GALNT18: variants seen among roughly 807,000 people sequenced by gnomAD.
The protein encoded by GALNT18 is polypeptide N-acetylgalactosaminyltransferase 18.
In GALNT18, 44 loss-of-function variants were observed where a neutral mutation model predicts 69.5. The ratio of observed to expected loss-of-function variants is 0.63; its 90% CI spans 0.50 to 0.81. The LOEUF is 0.81. Among genes scored for constraint, GALNT18 ranks in the 40% least tolerant of loss-of-function variants. The pLI is 0.00. For missense variants in GALNT18, 715 were observed against 810.0 expected (o/e 0.88, Z 1.42); for synonymous variants, 364 against 318.2 (o/e 1.14, Z -1.53).
chr11:11,271,634 T>A (rs1848830615), intron 10 of GALNT18, among the ~76,000 whole-genome samples: 1 of 72,502 alleles, frequency 1.4e-5, no homozygotes, highest in Non-Finnish European at 3.2e-5. Flanking sequence ...AAAAGCCTAG[T>A]TTCTTGGGAC....
At chr11:11,271,346 T>A in intron 10 of GALNT18, 56 bp from the exon 11 acceptor site, 1 of 1,576,036 alleles carries the variant, frequency 6.3e-7, no homozygotes, top group Non-Finnish European at 8.7e-7. Context: ...ATGCAGAAAT[T>A]CGGGAGCCTC....
rs569620394 is a variant in GALNT18, at chr11:11,452,606, G to A, written c.236-3670C>T. Among the ~76,000 whole-genome samples the A allele has an allele frequency of 2.8e-3, 423 of 152,294 alleles. 2 individuals are homozygous for A. Among genetic ancestry groups the A allele is most frequent in the Non-Finnish European group, 5.0e-3 (340 of 68,020 alleles). On this transcript the variant is annotated intron_variant, in intron 1 of 10. Coordinates refer to ENST00000227756, the MANE Select transcript of GALNT18 (RefSeq NM_198516.3). ...TTAACCAGACCTGGACTCCACTCCCGTCTCCAGTGAGAAAGCAGGCCTACA... is the reference window on the plus strand; with the variant it reads ...TTAACCAGACCTGGACTCCACTCCCATCTCCAGTGAGAAAGCAGGCCTACA...
chr11:11,334,304 A>C (rs936702084), intron 7 of GALNT18, among the ~76,000 whole-genome samples: 1 of 152,166 alleles, frequency 6.6e-6, no homozygotes, highest in Admixed American at 6.5e-5. Context: ...GCACTTTGGG[A>C]GGCCAAGTCA....
chr11:11,497,722 T>C lies in GALNT18; in HGVS notation c.236-48786A>G, dbSNP rs1454666853. 1.3e-5 allele frequency among the ~76,000 whole-genome samples: 2 copies of C among 148,260 alleles called. No homozygotes were observed. The highest frequency in any genetic ancestry group is 5.0e-5 in the African/African-American group (2 of 40,108). ...GCAGGAATCACTGAAATTGTGCAGATAAATGTGTATGTGCATATACATATT... is the reference window on the plus strand; with the variant it reads ...GCAGGAATCACTGAAATTGTGCAGACAAATGTGTATGTGCATATACATATT... On this transcript the variant is annotated intron_variant, in intron 1 of 10. Coordinates refer to ENST00000227756, the MANE Select transcript of GALNT18 (RefSeq NM_198516.3). This position sits in a 1 kb window ranked among gnomAD's most constrained non-coding sequence, Gnocchi z 4.2.
At chr11:11,293,769 T>C (rs12795770) in intron 9 of GALNT18, among the ~76,000 whole-genome samples, 7,484 of 152,222 alleles carry the variant, frequency 0.049, 271 homozygotes, top group Middle Eastern at 0.11. Context: ...TTCAAACTCC[T>C]GACCTCGTGA....
Position 11,421,267 on chromosome 11 carries a change from G to A in GALNT18, c.595+11354C>T, listed in dbSNP as rs1854998889. On this transcript the variant is annotated intron_variant, in intron 3 of 10. Transcript: ENST00000227756. This position sits in a 1 kb window ranked among gnomAD's most constrained non-coding sequence, Gnocchi z 5.6. ...GCAGAGAAGAGGCTGGCAACATGCA[G>A]GACTAGAGCTGGAGAAATGGATTGA... Among the ~76,000 whole-genome samples, 1 of 152,156 alleles carries A rather than the reference G, an allele frequency of 6.6e-6. No homozygotes were observed. Among genetic ancestry groups the A allele is most frequent in the Non-Finnish European group, 1.5e-5 (1 of 68,036 alleles).
chr11:11,529,492 G>T (rs1308442048), intron 1 of GALNT18, among the ~76,000 whole-genome samples: 1 of 152,118 alleles, frequency 6.6e-6, no homozygotes, highest in Admixed American at 6.5e-5. Flanking sequence ...TACACCATCT[G>T]CTCTCCTTAT....
Position 11,586,710 on chromosome 11 carries a change from A to T in GALNT18, c.235+34649T>A, listed in dbSNP as rs2133919418. On this transcript the variant is annotated intron_variant, in intron 1 of 10. Coordinates refer to ENST00000227756, the MANE Select transcript of GALNT18 (RefSeq NM_198516.3). The surrounding 1 kb of genome is among the most constrained non-coding windows in gnomAD (Gnocchi z 4.1). ...TGAAATAGGCCGGGCTTGGTAGCTCATGCCTGTAATCACAGCCCTTTGGGA... is the reference window on the plus strand; with the variant it reads ...TGAAATAGGCCGGGCTTGGTAGCTCTTGCCTGTAATCACAGCCCTTTGGGA... Among the ~76,000 whole-genome samples the T allele has an allele frequency of 6.6e-6, 1 of 152,304 alleles. No homozygotes were observed. Among genetic ancestry groups the T allele is most frequent in the African/African-American group, 2.4e-5 (1 of 41,572 alleles).
chr11:11,540,177 C>T lies in GALNT18; in HGVS notation c.235+81182G>A. ...ATTTTGTGGTTCTAAAACCTCTTCTCACCTCCAAGTCAACATTTTCAAAAC... is the reference window on the plus strand; with the variant it reads ...ATTTTGTGGTTCTAAAACCTCTTCTTACCTCCAAGTCAACATTTTCAAAAC... On this transcript the variant is annotated intron_variant, in intron 1 of 10. Transcript: ENST00000227756. This position sits in a 1 kb window ranked among gnomAD's most constrained non-coding sequence, Gnocchi z 4.6. Among the ~76,000 whole-genome samples the T allele has an allele frequency of 6.6e-6, 1 of 152,214 alleles. No individual in the cohort carries two copies. Among genetic ancestry groups the T allele is most frequent in the Non-Finnish European group, 1.5e-5 (1 of 68,046 alleles).
At chr11:11,558,893 A>G (rs1236661629) in intron 1 of GALNT18, among the ~76,000 whole-genome samples, 2 of 152,172 alleles carry the variant, frequency 1.3e-5, no homozygotes, top group East Asian at 3.9e-4. Context: ...CAAGGGCAGC[A>G]CCACTTCTCA....
intron 3 of GALNT18, among the ~76,000 whole-genome samples, chr11:11,390,280 A>T (rs1854155112): frequency 2.0e-5 from 3 of 152,162 alleles, no homozygotes; most frequent in Admixed American, 6.5e-5. Context: ...GTGCCCTTGC[A>T]CTACCTGCTA....
intron 1 of GALNT18, among the ~76,000 whole-genome samples, chr11:11,484,480 C>T (rs753595097): frequency 1.3e-5 from 2 of 150,610 alleles, no homozygotes; most frequent in Admixed American, 1.3e-4. Context: ...GTAATCCTAG[C>T]TACTTAGGAG....
chr11:11,545,002 C>T (rs578227816), intron 1 of GALNT18, among the ~76,000 whole-genome samples: 1 of 152,300 alleles, frequency 6.6e-6, no homozygotes, highest in Non-Finnish European at 1.5e-5. Flanking sequence ...TGAACCTCAC[C>T]CAAATAATTA....
At chr11:11,289,731 G>A (rs187516982) in intron 10 of GALNT18, among the ~76,000 whole-genome samples, 2 of 152,192 alleles carry the variant, frequency 1.3e-5, no homozygotes, top group South Asian at 4.1e-4. Flanking sequence ...TTCTGTGAGG[G>A]CTGGAAAGAG....
chr11:11,307,594 G>C (rs1276811454), intron 9 of GALNT18, among the ~76,000 whole-genome samples: 5 of 152,142 alleles, frequency 3.3e-5, no homozygotes, highest in African/African-American at 9.7e-5. Context: ...ACAATGCCCT[G>C]CTTCTTCAAG....
intron 1 of GALNT18, among the ~76,000 whole-genome samples, chr11:11,472,953 T>G (rs572769402): frequency 6.6e-5 from 10 of 151,980 alleles, no homozygotes; most frequent in African/African-American, 1.7e-4. Flanking sequence ...GATCAAGCCA[T>G]GGCACTCCAG....
Position 11,542,709 on chromosome 11 carries a change from AT to A in GALNT18, c.235+78649del, listed in dbSNP as rs1451500643. ...TTGGTCACCTCTCTGCGTGTATCAC[AT>A]TTGTGTAAAGCAAATTTCAGTTTGC... On this transcript the variant is annotated intron_variant, in intron 1 of 10. Transcript: ENST00000227756. The surrounding 1 kb of genome is among the most constrained non-coding windows in gnomAD (Gnocchi z 4.3). 1.3e-5 allele frequency among the ~76,000 whole-genome samples: 2 copies of A among 152,170 alleles called. No homozygotes were observed. Among genetic ancestry groups the A allele is most frequent in the Non-Finnish European group, 2.9e-5 (2 of 68,032 alleles).
chr11:11,354,461 G>A (rs1451308476), intron 6 of GALNT18, among the ~76,000 whole-genome samples: 2 of 152,092 alleles, frequency 1.3e-5, no homozygotes, highest in African/African-American at 2.4e-5. Context: ...TTGCTGAACT[G>A]GTGACTTTAG....
chr11:11,566,626 A>G (rs7952625), intron 1 of GALNT18, among the ~76,000 whole-genome samples: 61,238 of 152,088 alleles, frequency 0.4, 13,270 homozygotes, highest in South Asian at 0.55. Context: ...TATAGAAAGA[A>G]AGATAAGAGA....
Sources: gnomAD v4.1 joint callset for allele counts (sites outside exome capture counted in the v4.1 genomes callset) on GRCh38, gnomAD v4.1.1 for gene constraint, Gnocchi (gnomAD v3.1) non-coding constraint, MANE v1.5 for transcripts, NCBI Gene and HGNC (gene_info 2026-07-23, HGNC 2026-07-21) for gene names.